The following VPS53 variants were observed in gnomAD, a reference collection of about 807,000 sequenced individuals.
VPS53 encodes the protein vacuolar protein sorting-associated protein 53 homolog.
A neutral mutation model predicts 107.0 loss-of-function variants in VPS53; 70 were observed. The ratio of observed to expected loss-of-function variants is 0.65; its 90% CI spans 0.54 to 0.80. The LOEUF (loss-of-function observed/expected upper bound fraction) is 0.80. Among genes scored for constraint, VPS53 ranks in the 30% least tolerant of loss-of-function variants. VPS53 has a pLI of 0.00. For synonymous variants in VPS53, 409 were observed against 393.3 expected (o/e 1.04, Z -0.47); for missense variants, 917 against 1,049.4 (o/e 0.87, Z 1.74).
chr17:537,282 A>C (rs1379488539), intron 17 of VPS53, 106 bp from the exon 18 acceptor site: 2 of 1,307,428 alleles, frequency 1.5e-6, no homozygotes, highest in African/African-American at 3.0e-5. Flanking sequence ...CAGCTTTGGT[A>C]TCCCAGGAAT....
At chr17:599,127 T>G (rs1477166941) in intron 12 of VPS53, among the ~76,000 whole-genome samples, 1 of 101,202 alleles carries the variant, frequency 9.9e-6, no homozygotes, top group Non-Finnish European at 2.1e-5. Flanking sequence ...GGGAGGGAGG[T>G]GGGGGGGTCA....
At chr17:587,599 G>A (rs1302317346) in intron 12 of VPS53, among the ~76,000 whole-genome samples, 1 of 152,052 alleles carries the variant, frequency 6.6e-6, no homozygotes, top group Non-Finnish European at 1.5e-5. Context: ...CATATGACAG[G>A]CAAGTATTTT....
chr17:662,767 A>AAGAGAAAGAAAGAG (rs1567719735), intron 4 of VPS53, among the ~76,000 whole-genome samples: 1 of 140,592 alleles, frequency 7.1e-6, no homozygotes, highest in Non-Finnish European at 1.5e-5. Context: ...GAAAGAAAGA[A>AAGAGAAAGAAAGAG]AGAAAGAGAA....
chr17:709,315 A>T (rs1013291872), intron 2 of VPS53, among the ~76,000 whole-genome samples: 2 of 152,154 alleles, frequency 1.3e-5, no homozygotes, highest in African/African-American at 4.8e-5. Context: ...CTTTCTCCCT[A>T]CACTAGACTC....
At chr17:714,396 C>T in intron 1 of VPS53, 1 of 564,024 alleles carries the variant, frequency 1.8e-6, no homozygotes, top group Non-Finnish European at 3.1e-6. Flanking sequence ...CCAAAACCAC[C>T]AGAACCCCCA....
rs1016455096 is a variant in VPS53, at chr17:515,708, A to G, written c.*3420T>C. The G allele has an allele frequency of 2.0e-5, 3 of 152,054 alleles. No individual in the cohort carries two copies. Among genetic ancestry groups the G allele is most frequent in the Non-Finnish European group, 4.4e-5 (3 of 68,026 alleles). 9.4% of individuals were successfully genotyped at this position (152,054 alleles called of 1,614,324 possible). ...TTTTTGAAGTGATGTTAATAAATAA[A>G]GCTTCTGCTTGGGGGTTGGTCATCA... is the stretch of plus-strand genomic sequence containing the variant. On this transcript the variant is annotated 3_prime_UTR_variant, in exon 22 of 22. Transcript: ENST00000437048.
At chr17:578,530 C>T (rs558756457) in intron 13 of VPS53, among the ~76,000 whole-genome samples, 52 of 151,680 alleles carry the variant, frequency 3.4e-4, no homozygotes, top group Admixed American at 2.8e-3. Flanking sequence ...TAATGCGTTC[C>T]CAGAGATCCT....
At chr17:529,006 C>A (rs145236847) in intron 19 of VPS53, among the ~76,000 whole-genome samples, 1 of 152,142 alleles carries the variant, frequency 6.6e-6, no homozygotes, top group Non-Finnish European at 1.5e-5. Context: ...TTTTGCATTA[C>A]CACCAGCAAT....
At chr17:521,523 C>A in intron 20 of VPS53, 78 bp downstream of exon 20, 1 of 1,444,434 alleles carries the variant, frequency 6.9e-7, no homozygotes, top group Non-Finnish European at 9.3e-7. Context: ...ATAGGACCTA[C>A]CCTGTGCTTT....
chr17:697,232 T>A (rs962160433), intron 4 of VPS53, among the ~76,000 whole-genome samples, 186 bp downstream of exon 4: 1 of 152,210 alleles, frequency 6.6e-6, no homozygotes, highest in Non-Finnish European at 1.5e-5. Context: ...CAGTTCACGG[T>A]CCTGGTCCAA....
At chr17:662,871 AACGAAGGAAGGAAGGAAGGAAGGC>A (rs1359970995) in intron 4 of VPS53, among the ~76,000 whole-genome samples, 1 of 91,220 alleles carries the variant, frequency 1.1e-5, no homozygotes, top group Non-Finnish European at 2.9e-5. Context: ...GGAAGGAAGG[AACGAAGGAAGGAAGGAAGGAAGGC>A]AGGCAGGCAG....
chr17:652,696 G>A (rs1344112760), intron 7 of VPS53, among the ~76,000 whole-genome samples: 4 of 152,216 alleles, frequency 2.6e-5, no homozygotes, highest in East Asian at 3.8e-4. Flanking sequence ...GCTGGTCCCC[G>A]AGCCAGGCCA....
chr17:590,772 T>C (rs113073110), intron 12 of VPS53, among the ~76,000 whole-genome samples: 78,653 of 128,292 alleles, frequency 0.61, 25,452 homozygotes, highest in East Asian at 0.76. Context: ...CTGCTGGATT[T>C]GGTTTGCCAG....
chr17:555,654 C>T (rs936576792), intron 15 of VPS53, among the ~76,000 whole-genome samples: 2 of 152,182 alleles, frequency 1.3e-5, no homozygotes, highest in Admixed American at 6.5e-5. Context: ...TTCTTTATAC[C>T]TCCTAATGGA....
At chr17:706,151 T>C (rs1973390229) in intron 2 of VPS53, 1 of 152,178 alleles carries the variant, frequency 6.6e-6, no homozygotes, top group African/African-American at 2.4e-5. Context: ...CCTAGAGTGC[T>C]GTCGGGTACA....
At chr17:620,498 T>C (rs962702122) in intron 11 of VPS53, among the ~76,000 whole-genome samples, 16 of 152,150 alleles carry the variant, frequency 1.1e-4, no homozygotes, top group African/African-American at 3.9e-4. Flanking sequence ...AGTAGCTCAG[T>C]TTCACGGTCT....
At chr17:690,313 G>C (rs561821224) in intron 4 of VPS53, among the ~76,000 whole-genome samples, 1 of 152,236 alleles carries the variant, frequency 6.6e-6, no homozygotes, top group South Asian at 2.1e-4. Flanking sequence ...TTAAATGAAA[G>C]TCATATGAAG....
In VPS53 at chr17:513,267, AC is replaced by A. The variant is rs1221047821; in HGVS notation, c.*5860del. 1.3e-5 allele frequency: 2 copies of A among 152,332 alleles called. No homozygotes were observed. Among genetic ancestry groups the A allele is most frequent in the East Asian group, 1.9e-4 (1 of 5,188 alleles). 9.4% of individuals were successfully genotyped at this position (152,332 alleles called of 1,614,324 possible). Reference sequence around the variant, plus strand: ...ATTAACTGCAGTATTTTGTGCTCCAACATGCAGGCAGAAATCACTTCCAGAT... The same window carrying A: ...ATTAACTGCAGTATTTTGTGCTCCAAATGCAGGCAGAAATCACTTCCAGAT... On this transcript the variant is annotated 3_prime_UTR_variant, in exon 22 of 22. Transcript: ENST00000437048.
intron 15 of VPS53, 58 bp from the exon 16 acceptor site, chr17:553,520 C>A: frequency 7.9e-7 from 1 of 1,258,478 alleles, no homozygotes; most frequent in Non-Finnish European, 1.1e-6. Flanking sequence ...GAAGTACCAT[C>A]ACAATAATAG....
Sources: allele counts gnomAD v4.1 joint callset (sites outside exome capture counted in the v4.1 genomes callset), GRCh38; gene constraint gnomAD v4.1.1; transcripts MANE v1.5; gene names NCBI Gene and HGNC (gene_info 2026-07-23, HGNC 2026-07-21).